ROBO2: variants seen among roughly 807,000 people sequenced by gnomAD.
ROBO2 encodes the protein roundabout homolog 2.
Under a neutral mutation model 160.8 loss-of-function variants are expected in ROBO2, and 53 were observed. The observed-to-expected ratio is 0.33, with a 90% CI of 0.26 to 0.41. ROBO2 has a LOEUF of 0.41. Among genes scored for constraint, ROBO2 ranks in the 10% least tolerant of loss-of-function variants. The pLI is 1.00. For synonymous variants in ROBO2, 664 were observed against 611.7 expected (o/e 1.09, Z -1.26); for missense variants, 1,577 against 1,722.4 (o/e 0.92, Z 1.49).
At chr3:76,264,572 T>C (rs1352645418) in intron 2 of ROBO2, among the ~76,000 whole-genome samples, 2 of 152,170 alleles carry the variant, frequency 1.3e-5, no homozygotes, top group Admixed American at 6.6e-5. Context: ...AGCCCTCTTC[T>C]GGTTTCTTTC....
chr3:76,973,901 T>TG (rs1170778009), intron 2 of ROBO2, among the ~76,000 whole-genome samples: 58 of 152,252 alleles, frequency 3.8e-4, no homozygotes, highest in African/African-American at 1.3e-3. Context: ...TCTGAGTAGA[T>TG]GGGGACACAG....
intron 1 of ROBO2, among the ~76,000 whole-genome samples, chr3:77,080,839 A>G (rs941200513): frequency 6.6e-6 from 1 of 152,200 alleles, no homozygotes; most frequent in Admixed American, 6.5e-5. Context: ...AGCTTACATT[A>G]TTGCTTAAGC....
At chr3:77,620,123 C>T (rs938512151) in intron 22 of ROBO2, among the ~76,000 whole-genome samples, 1 of 152,168 alleles carries the variant, frequency 6.6e-6, no homozygotes, top group Non-Finnish European at 1.5e-5. Context: ...GAGTGTGTTC[C>T]TACTCAACCA....
chr3:75,971,683 T>A (rs1218933012), intron 2 of ROBO2, among the ~76,000 whole-genome samples: 1 of 151,420 alleles, frequency 6.6e-6, no homozygotes, highest in African/African-American at 2.4e-5. Flanking sequence ...TTTGAAAAAA[T>A]TTTTCAAGTT....
intron 13 of ROBO2, among the ~76,000 whole-genome samples, chr3:77,570,197 T>C (rs1387286169): frequency 6.6e-6 from 1 of 152,040 alleles, no homozygotes; most frequent in Non-Finnish European, 1.5e-5. Context: ...TTAAGCTGCA[T>C]CTAAATGTGG....
chr3:76,929,605 C>T (rs1490923726), intron 2 of ROBO2, among the ~76,000 whole-genome samples: 1 of 152,134 alleles, frequency 6.6e-6, no homozygotes, highest in African/African-American at 2.4e-5. Context: ...CAAGATGACC[C>T]CTTAAAACGT....
chr3:77,328,979 A>AT (rs1164810357), intron 2 of ROBO2, among the ~76,000 whole-genome samples: 2 of 152,096 alleles, frequency 1.3e-5, no homozygotes, highest in Non-Finnish European at 2.9e-5. Context: ...ACAACTTTTA[A>AT]TTTTTTCTTT....
At chr3:77,383,057 G>C (rs963957360) in intron 2 of ROBO2, among the ~76,000 whole-genome samples, 1 of 152,088 alleles carries the variant, frequency 6.6e-6, no homozygotes, top group Non-Finnish European at 1.5e-5. Flanking sequence ...GCATAAAATA[G>C]AAACTATTTG....
intron 2 of ROBO2, among the ~76,000 whole-genome samples, chr3:77,025,657 G>C (rs2062918339): frequency 6.6e-6 from 1 of 152,154 alleles, no homozygotes. Flanking sequence ...AATCTCCTGG[G>C]TGGTATCATT....
At chr3:76,799,853 A>G (rs1016545206) in intron 2 of ROBO2, among the ~76,000 whole-genome samples, 1 of 152,316 alleles carries the variant, frequency 6.6e-6, no homozygotes, top group Non-Finnish European at 1.5e-5. Flanking sequence ...CAATCTTTAC[A>G]TTCTTCACAG....
At chr3:77,113,764 A>G (rs917657751) in intron 2 of ROBO2, among the ~76,000 whole-genome samples, 9 of 152,198 alleles carry the variant, frequency 5.9e-5, no homozygotes, top group African/African-American at 1.7e-4. Flanking sequence ...TCTCCCATTC[A>G]TTCCATTTGG....
intron 2 of ROBO2, among the ~76,000 whole-genome samples, chr3:76,861,066 T>C (rs916487605): frequency 1.6e-4 from 24 of 152,124 alleles, no homozygotes; most frequent in African/African-American, 5.8e-4. Flanking sequence ...CAAGCCCTCT[T>C]CCCTCTGCAA....
intron 2 of ROBO2, among the ~76,000 whole-genome samples, chr3:76,546,468 T>C (rs1332668225): frequency 6.6e-6 from 1 of 151,878 alleles, no homozygotes; most frequent in Non-Finnish European, 1.5e-5. Context: ...GGAACTAAGG[T>C]TGCTAATCAA....
At chr3:76,885,388 A>G (rs2148777223) in intron 2 of ROBO2, among the ~76,000 whole-genome samples, 1 of 152,328 alleles carries the variant, frequency 6.6e-6, no homozygotes, top group Admixed American at 6.5e-5. Context: ...GGTTGACAGA[A>G]CACATATTTA....
At chr3:77,604,037 T>C (rs1004541504) in intron 20 of ROBO2, 1 of 152,194 alleles carries the variant, frequency 6.6e-6, no homozygotes, top group Non-Finnish European at 1.5e-5. Context: ...TTTTACATCA[T>C]TAGGGTAACA....
chr3:77,606,572 AACAC>A (rs1459651551), intron 20 of ROBO2, among the ~76,000 whole-genome samples: 1 of 152,194 alleles, frequency 6.6e-6, no homozygotes, highest in African/African-American at 2.4e-5. Flanking sequence ...CTATGTGGAA[AACAC>A]ACACTATTTT....
intron 2 of ROBO2, among the ~76,000 whole-genome samples, chr3:77,033,864 A>G (rs2063469249): frequency 6.6e-6 from 1 of 152,030 alleles, no homozygotes. Context: ...TACACTTTAT[A>G]TTTCTGATAA....
rs149434760 is a variant in ROBO2 at position 76,892,543 on chromosome 3, CT to C, written c.110-205466del. ...AAACTTCCCCACTGCCTTCAGGTGT[CT>C]TTTTACCTGACTGATTTCCCTGGTC... On this transcript the variant is annotated intron_variant, in intron 2 of 26. Transcript: ENST00000487694. Among the ~76,000 whole-genome samples, 656 of 152,254 alleles carry C rather than the reference CT, an allele frequency of 4.3e-3. 4 individuals are homozygous for C. The highest frequency in any genetic ancestry group is 0.014 in the African/African-American group (583 of 41,540).
intron 2 of ROBO2, among the ~76,000 whole-genome samples, chr3:77,148,820 G>T (rs1233055051): frequency 6.6e-6 from 1 of 152,086 alleles, no homozygotes; most frequent in Non-Finnish European, 1.5e-5. Flanking sequence ...TACCAATTTA[G>T]CTTAATTAAA....
Sources: allele counts gnomAD v4.1 joint callset (sites outside exome capture counted in the v4.1 genomes callset), GRCh38; gene constraint gnomAD v4.1.1; transcripts MANE v1.5; gene names NCBI Gene and HGNC (gene_info 2026-07-23, HGNC 2026-07-21).